The following MED13L variants were observed in gnomAD, a reference collection of about 807,000 sequenced individuals.
MED13L encodes mediator complex subunit 13L.
Under a neutral mutation model 220.9 loss-of-function variants are expected in MED13L, and 7 were observed. That is an observed-to-expected ratio of 0.03 (90% confidence interval 0.02 to 0.06). The LOEUF (loss-of-function observed/expected upper bound fraction) is 0.06. Ranked by LOEUF, MED13L falls within the 10% of genes least tolerant of loss-of-function variation. The probability of loss-of-function intolerance (pLI) is 1.00; values close to 1 mark genes in which losing one functional copy is unlikely to be tolerated. For missense variants in MED13L, 1,965 were observed against 2,760.5 expected (o/e 0.71, Z 6.46); for synonymous variants, 1,011 against 1,015.2 (o/e 1.00, Z 0.08).
intron 1 of MED13L, among the ~76,000 whole-genome samples, chr12:116,240,420 T>TA (rs1351725338): frequency 6.6e-6 from 1 of 151,620 alleles, no homozygotes; most frequent in Non-Finnish European, 1.5e-5. Flanking sequence ...TTTCTTCAAA[T>TA]AAAAGCAATG....
At chr12:115,977,344 T>C (rs1877007837) in intron 23 of MED13L, among the ~76,000 whole-genome samples, 1 of 152,182 alleles carries the variant, frequency 6.6e-6, no homozygotes, top group South Asian at 2.1e-4. Flanking sequence ...TCATTCATCA[T>C]AGGGATTCAA....
chr12:116,007,286 T>A (rs982603926), intron 11 of MED13L, 125 bp downstream of exon 11: 7 of 842,446 alleles, frequency 8.3e-6, no homozygotes, highest in Non-Finnish European at 1.2e-5. Flanking sequence ...AGAGCATGAA[T>A]ATGGGGACAG....
chr12:116,007,665 A>AAG (rs61591559), intron 10 of MED13L, 29 bp from the exon 11 acceptor site: 14 of 1,498,288 alleles, frequency 9.3e-6, no homozygotes, highest in African/African-American at 2.8e-5. Flanking sequence ...AAAAAAAAAA[A>AAG]GAGCATTTAT....
chr12:115,999,049 T>C (rs970543240), intron 14 of MED13L, among the ~76,000 whole-genome samples: 2 of 152,180 alleles, frequency 1.3e-5, no homozygotes, highest in African/African-American at 4.8e-5. Context: ...AAAACAGGAC[T>C]TAAAATGTAG....
intron 4 of MED13L, among the ~76,000 whole-genome samples, chr12:116,096,377 A>T (rs1363204500): frequency 6.8e-6 from 1 of 148,028 alleles, no homozygotes; most frequent in African/African-American, 2.5e-5. Flanking sequence ...AAAAAAAAAA[A>T]AAAAGTCAAA....
intron 1 of MED13L, among the ~76,000 whole-genome samples, chr12:116,251,034 T>C (rs1282828296): frequency 6.7e-6 from 1 of 149,882 alleles, no homozygotes; most frequent in South Asian, 2.1e-4. Flanking sequence ...CCTTGATCAA[T>C]CCCTAAAAAG....
At chr12:116,006,818 ATTGTT>A (rs1879076372) in intron 11 of MED13L, 2 of 201,064 alleles carry the variant, frequency 9.9e-6, no homozygotes, top group African/African-American at 2.4e-5. Context: ...GCCTCTTATA[ATTGTT>A]TTATTTCCTT....
intron 4 of MED13L, among the ~76,000 whole-genome samples, chr12:116,088,977 T>A (rs1479047871): frequency 2.0e-5 from 3 of 152,070 alleles, no homozygotes; most frequent in Admixed American, 6.6e-5. Context: ...AAATCCAGAT[T>A]TTTTTTAGTA....
chr12:116,114,106 C>T (rs1386782622), intron 2 of MED13L, among the ~76,000 whole-genome samples: 1 of 151,830 alleles, frequency 6.6e-6, no homozygotes, highest in Non-Finnish European at 1.5e-5. Context: ...AGCCCTTTTC[C>T]TTTTTTTTAA....
chr12:116,034,444 A>C (rs1881050322), intron 4 of MED13L, among the ~76,000 whole-genome samples: 1 of 152,200 alleles, frequency 6.6e-6, no homozygotes, highest in Admixed American at 6.5e-5. Context: ...ATACACCAGG[A>C]GATACACATC....
chr12:116,154,624 C>T (rs1380386159), intron 2 of MED13L, among the ~76,000 whole-genome samples: 1 of 152,068 alleles, frequency 6.6e-6, no homozygotes, highest in Non-Finnish European at 1.5e-5. Context: ...AAATTTGTGG[C>T]AGTAGTGCTT....
chr12:116,160,580 T>C (rs1355725259), intron 2 of MED13L, among the ~76,000 whole-genome samples: 1 of 145,366 alleles, frequency 6.9e-6, no homozygotes, highest in African/African-American at 2.5e-5. Flanking sequence ...ATCCAAACTT[T>C]AATTTAAAAA....
intron 3 of MED13L, among the ~76,000 whole-genome samples, chr12:116,110,454 G>C (rs760352600): frequency 1.3e-5 from 2 of 152,044 alleles, no homozygotes; most frequent in Non-Finnish European, 2.9e-5. Flanking sequence ...ATAAAAAGTA[G>C]AAAGAATGGT....
rs760103366 is a variant in MED13L, at chr12:115,982,477, A to G, written c.5082T>C (p.Thr1694=). 6.2e-7 allele frequency: 1 copy of G among 1,614,164 alleles called. No homozygotes were observed. Among genetic ancestry groups the G allele is most frequent in the Non-Finnish European group, 8.5e-7 (1 of 1,179,992 alleles). Residue 1694 remains threonine, a synonymous_variant, in exon 22 of 31, where the codon ACT becomes ACC. Transcript: ENST00000281928. ...PFTYAAEEDS[T]SGNFWLLSLM... ...AGCTCAACAGCCAAAAGTTCCCAGA[A>G]GTGGAGTCCTCCTCTGCAGCATACG...
chr12:116,162,405 T>C (rs557958514), intron 2 of MED13L, among the ~76,000 whole-genome samples: 3 of 152,280 alleles, frequency 2.0e-5, no homozygotes, highest in Admixed American at 1.3e-4. Context: ...AGTTTTAATT[T>C]TGTCTTTTGA....
At chr12:116,135,359 T>C (rs889231040) in intron 2 of MED13L, among the ~76,000 whole-genome samples, 1 of 152,166 alleles carries the variant, frequency 6.6e-6, no homozygotes, top group Non-Finnish European at 1.5e-5. Context: ...TTGTAGGGAC[T>C]CCAGTCAACA....
chr12:115,966,300 G>A, intron 28 of MED13L, 57 bp from the exon 29 acceptor site: 1 of 1,601,318 alleles, frequency 6.2e-7, no homozygotes, highest in Non-Finnish European at 8.5e-7. Flanking sequence ...CTTGAAAAAT[G>A]AACTTTCATC....
chr12:116,198,998 C>A (rs17498760), intron 2 of MED13L, among the ~76,000 whole-genome samples: 1 of 152,054 alleles, frequency 6.6e-6, no homozygotes, highest in African/African-American at 2.4e-5. Flanking sequence ...CTAGGAACCA[C>A]TAAAGTTTCT....
intron 3 of MED13L, among the ~76,000 whole-genome samples, chr12:116,100,089 T>C (rs900881327): frequency 6.6e-6 from 1 of 152,164 alleles, no homozygotes; most frequent in African/African-American, 2.4e-5. Context: ...GTTTTTTAAG[T>C]ACTGGGACAG....
Sources: gnomAD v4.1 joint callset for allele counts (sites outside exome capture counted in the v4.1 genomes callset) on GRCh38, gnomAD v4.1.1 for gene constraint, MANE v1.5 for transcripts, NCBI Gene and HGNC (gene_info 2026-07-23, HGNC 2026-07-21) for gene names.